The following ADAMTS17 variants were observed in gnomAD, a reference collection of about 807,000 sequenced individuals.
ADAMTS17 encodes A disintegrin and metalloproteinase with thrombospondin motifs 17.
Under a neutral mutation model 141.5 loss-of-function variants are expected in ADAMTS17, and 113 were observed. That is an observed-to-expected ratio of 0.80 (90% CI 0.69 to 0.93). The LOEUF (loss-of-function observed/expected upper bound fraction) is 0.93. Among genes scored for constraint, ADAMTS17 ranks in the 40% least tolerant of loss-of-function variants. ADAMTS17 has a pLI of 0.00. For missense variants in ADAMTS17, 1,659 were observed against 1,517.9 expected (o/e 1.09, Z -1.54); for synonymous variants, 768 against 630.6 (o/e 1.22, Z -3.27).
rs539262403 is a variant in ADAMTS17 at position 100,179,653 on chromosome 15, C to T, written c.1181+19665G>A. On this transcript the variant is annotated intron_variant, in intron 8 of 21. Transcript: ENST00000268070. ...TCTCCATAGTGGTGGTACTAATTTA[C>T]ATTCCCACCAGTGTATGAGGGTTGC... 2.4e-3 allele frequency among the ~76,000 whole-genome samples: 369 copies of T among 152,318 alleles called. 4 individuals carry two copies. Among genetic ancestry groups the T allele is most frequent in the African/African-American group, 8.7e-3 (362 of 41,576 alleles).
chr15:100,083,087 G>A (rs891430782), intron 15 of ADAMTS17, among the ~76,000 whole-genome samples: 2 of 152,200 alleles, frequency 1.3e-5, no homozygotes, highest in Non-Finnish European at 2.9e-5. Flanking sequence ...TTAAACGTGT[G>A]TGACCATGTG....
intron 18 of ADAMTS17, among the ~76,000 whole-genome samples, chr15:100,009,319 GCTTT>G (rs929589861): frequency 1.3e-5 from 2 of 152,096 alleles, no homozygotes; most frequent in African/African-American, 4.8e-5. Context: ...CAGTTCAGGG[GCTTT>G]CTTTTTTTAT....
chr15:100,243,617 C>A (rs2141908660), intron 7 of ADAMTS17, among the ~76,000 whole-genome samples: 1 of 152,186 alleles, frequency 6.6e-6, no homozygotes, highest in African/African-American at 2.4e-5. Flanking sequence ...CGGTCAAACA[C>A]TATCTCTACT....
intron 20 of ADAMTS17, chr15:99,976,661 G>C (rs549481545): frequency 2.1e-4 from 59 of 281,466 alleles, no homozygotes; most frequent in Non-Finnish European, 3.7e-4. Context: ...GGAATAGTGT[G>C]AGAAGGGAAA....
At chr15:100,059,564 C>T (rs1168465699) in intron 15 of ADAMTS17, among the ~76,000 whole-genome samples, 1 of 152,206 alleles carries the variant, frequency 6.6e-6, no homozygotes, top group Non-Finnish European at 1.5e-5. Flanking sequence ...ATCAGAAGTT[C>T]GCGCCTGACA....
intron 7 of ADAMTS17, among the ~76,000 whole-genome samples, chr15:100,213,341 T>C (rs2041868014): frequency 6.6e-6 from 1 of 152,194 alleles, no homozygotes; most frequent in Non-Finnish European, 1.5e-5. Context: ...AAACATGATA[T>C]AAAAGCCATT....
chr15:100,083,662 A>G (rs945957277), intron 15 of ADAMTS17, among the ~76,000 whole-genome samples: 7 of 151,568 alleles, frequency 4.6e-5, no homozygotes, highest in Non-Finnish European at 7.4e-5. Flanking sequence ...ATGTTTGGAG[A>G]GACTTCACAA....
At chr15:100,340,987 T>G in intron 2 of ADAMTS17, 52 bp downstream of exon 2, 1 of 1,301,054 alleles carries the variant, frequency 7.7e-7, no homozygotes. Context: ...CGGCGACCAC[T>G]CTGCGTCGCA....
chr15:100,188,019 G>A (rs1023276618), intron 8 of ADAMTS17, among the ~76,000 whole-genome samples: 5 of 152,134 alleles, frequency 3.3e-5, no homozygotes, highest in African/African-American at 7.2e-5. Context: ...AGGGGTTTGA[G>A]GCTGCAATGA....
intron 15 of ADAMTS17, chr15:100,063,702 T>A (rs1335415415): frequency 7.8e-7 from 1 of 1,289,828 alleles, no homozygotes; most frequent in African/African-American, 1.5e-5. Flanking sequence ...GGCAGGTTTA[T>A]CCTCCACCAC....
intron 18 of ADAMTS17, among the ~76,000 whole-genome samples, chr15:100,014,791 T>C (rs1475552524): frequency 1.3e-5 from 2 of 152,222 alleles, no homozygotes; most frequent in African/African-American, 4.8e-5. Context: ...ATACGGTCTA[T>C]CTTGGAGAAA....
At chr15:100,215,135 G>T (rs1015070401) in intron 7 of ADAMTS17, among the ~76,000 whole-genome samples, 21 of 152,222 alleles carry the variant, frequency 1.4e-4, no homozygotes, top group Non-Finnish European at 2.6e-4. Context: ...GCTACAGCCA[G>T]AGGCAGCCCT....
At chr15:100,064,995 G>C (rs2033412850) in intron 15 of ADAMTS17, among the ~76,000 whole-genome samples, 1 of 152,168 alleles carries the variant, frequency 6.6e-6, no homozygotes, top group Non-Finnish European at 1.5e-5. Flanking sequence ...TAAAAAATTA[G>C]AGATTTCTAG....
At chr15:100,027,399 A>T (rs1461150295) in intron 18 of ADAMTS17, among the ~76,000 whole-genome samples, 1 of 152,200 alleles carries the variant, frequency 6.6e-6, no homozygotes, top group East Asian at 1.9e-4. Context: ...TAAACATCCT[A>T]AGATGCTCAC....
rs571253535 is a variant in ADAMTS17, at chr15:100,061,870, G to A, written c.2138-7816C>T. Among the ~76,000 whole-genome samples, 7 of 152,332 alleles carry A rather than the reference G, an allele frequency of 4.6e-5. No individual in the cohort carries two copies. The South Asian group carries it at 1.5e-3, about 32-fold the overall frequency. On this transcript the variant is annotated intron_variant, in intron 15 of 21. Transcript: ENST00000268070. ...ATGAAAGGTAACATCAGCATCCCAC[G>A]GAGGGCCTCCAGTACATTCAAATGC...
chr15:100,203,639 A>G (rs890734147), intron 7 of ADAMTS17, among the ~76,000 whole-genome samples: 4 of 152,206 alleles, frequency 2.6e-5, no homozygotes, highest in African/African-American at 9.6e-5. Context: ...TGGGAGGTGG[A>G]GCTTGCAGTG....
rs112954994 is a variant in ADAMTS17 at position 100,137,627 on chromosome 15, A to C, written c.1474-4312T>G. On this transcript the variant is annotated intron_variant, in intron 10 of 21. Coordinates refer to ENST00000268070, the MANE Select transcript of ADAMTS17 (RefSeq NM_139057.4). ...CAGTACACAACAGCTGGGTACCATAATAAAGGATAGTTCTTATAGCTGAGC... is the reference window on the plus strand; with the variant it reads ...CAGTACACAACAGCTGGGTACCATACTAAAGGATAGTTCTTATAGCTGAGC... Among the ~76,000 whole-genome samples, 143 of 152,320 alleles carry C rather than the reference A, an allele frequency of 9.4e-4. 2 individuals are homozygous for C. Among genetic ancestry groups the C allele is most frequent in the African/African-American group, 3.3e-3 (138 of 41,584 alleles).
intron 18 of ADAMTS17, among the ~76,000 whole-genome samples, chr15:100,042,986 A>ATATG: frequency 6.6e-6 from 1 of 152,344 alleles, no homozygotes; most frequent in East Asian, 1.9e-4. Context: ...GTGTATGTAT[A>ATATG]TATGTATGTG....
chr15:100,273,759 C>T (rs1475712781), intron 4 of ADAMTS17, among the ~76,000 whole-genome samples: 3 of 152,112 alleles, frequency 2.0e-5, no homozygotes, highest in Non-Finnish European at 1.5e-5. Context: ...TCTTCTAGTT[C>T]CTTAAGTTGT....
Sources: gnomAD v4.1 joint callset for allele counts (sites outside exome capture counted in the v4.1 genomes callset) on GRCh38, gnomAD v4.1.1 for gene constraint, MANE v1.5 for transcripts, NCBI Gene and HGNC (gene_info 2026-07-23, HGNC 2026-07-21) for gene names.